The following LDB3 variants were observed in gnomAD, a reference collection of about 807,000 sequenced individuals.
The protein encoded by LDB3 is LIM domain binding 3, also known as LIM domain-binding protein 3.
Under a neutral mutation model 69.0 loss-of-function variants are expected in LDB3, and 49 were observed. The observed-to-expected ratio is 0.71, with a 90% CI of 0.56 to 0.90. The LOEUF is 0.90. Among genes scored for constraint, LDB3 ranks in the 40% least tolerant of loss-of-function variants. LDB3 has a pLI of 0.00. For synonymous variants in LDB3, 387 were observed against 396.2 expected, an observed-to-expected ratio of 0.98 and a Z score of 0.28; for missense variants, 928 against 974.1, an observed-to-expected ratio of 0.95 and a Z score of 0.63.
intron 9 of LDB3, 46 bp from the exon 10 acceptor site, chr10:86,716,281 T>A: frequency 3.7e-6 from 6 of 1,603,874 alleles, no homozygotes; most frequent in Non-Finnish European, 5.1e-6. Flanking sequence ...CTGGGAAGAA[T>A]GAATTCCTGA....
intron 5 of LDB3, among the ~76,000 whole-genome samples, chr10:86,683,505 C>T (rs1845277330): frequency 6.6e-6 from 1 of 152,216 alleles, no homozygotes; most frequent in Admixed American, 6.5e-5. Context: ...GGGGCCAGGC[C>T]CACCTCTGCT....
intron 7 of LDB3, among the ~76,000 whole-genome samples, chr10:86,694,426 G>A (rs1845913745): frequency 6.6e-6 from 1 of 152,178 alleles, no homozygotes; most frequent in Non-Finnish European, 1.5e-5. Flanking sequence ...TTCATGCTAG[G>A]GAAATCTGGG....
chr10:86,710,189 T>A, intron 9 of LDB3, 139 bp downstream of exon 9: 1 of 1,524,658 alleles, frequency 6.6e-7, no homozygotes, highest in Non-Finnish European at 8.8e-7. Flanking sequence ...CCGCCCTCCG[T>A]CCCCTAGCTG....
intron 9 of LDB3, 22 bp downstream of exon 9, chr10:86,710,072 G>C (rs1465830481): frequency 1.9e-6 from 3 of 1,610,808 alleles, no homozygotes; most frequent in Non-Finnish European, 1.7e-6. Context: ...AGCAGGAGGG[G>C]AGGCTGTCGA....
At chr10:86,722,781 C>A (rs1385688139) in intron 12 of LDB3, among the ~76,000 whole-genome samples, 1 of 145,586 alleles carries the variant, frequency 6.9e-6, no homozygotes, top group Non-Finnish European at 1.5e-5. Context: ...CTTGGCCAGG[C>A]TGGTCTTGAA....
At chr10:86,697,927 G>C (rs552822744) in intron 7 of LDB3, among the ~76,000 whole-genome samples, 35 of 152,258 alleles carry the variant, frequency 2.3e-4, no homozygotes, top group African/African-American at 7.7e-4. Flanking sequence ...GAGATCCCTA[G>C]TTCCCTTTAC....
chr10:86,690,168 T>A (rs553264679), intron 5 of LDB3, among the ~76,000 whole-genome samples: 328 of 152,272 alleles, frequency 2.2e-3, no homozygotes, highest in Non-Finnish European at 3.9e-3. Context: ...CAAAGCTCTG[T>A]AGAGAGGCTC....
At chr10:86,697,034 G>T (rs1198289993) in intron 7 of LDB3, among the ~76,000 whole-genome samples, 1 of 152,146 alleles carries the variant, frequency 6.6e-6, no homozygotes, top group Non-Finnish European at 1.5e-5. Flanking sequence ...GATTCAAGGG[G>T]TAGAGAGAGA....
Position 86,716,575 on chromosome 10 carries a change from G to A in LDB3, c.1480G>A (p.Asp494Asn), listed in dbSNP as rs773233738. 14 of 1,613,676 alleles carry A rather than the reference G, an allele frequency of 8.7e-6. No homozygotes were observed. The highest frequency in any genetic ancestry group is 1.2e-5 in the Non-Finnish European group (14 of 1,179,972). The change falls in exon 10 of 14, where the codon GAT (aspartate) becomes AAT (asparagine). Residue 494 changes from aspartate to asparagine, a missense_variant. By Grantham distance (23) the Asp-to-Asn change is conservative (BLOSUM62 1). Coordinates refer to ENST00000361373, the MANE Select transcript of LDB3 (RefSeq NM_007078.3). ...CAGCCGTCCACCCTGGGTGACAGAT[G>A]ATAGCTTCTCCCAGAAGTTTGCCCC... ...PASRPPWVTDDSFSQKFAPGK... is the reference protein window; with the variant it reads ...PASRPPWVTDNSFSQKFAPGK...
chr10:86,728,862 G>A (rs1374949571), intron 13 of LDB3, among the ~76,000 whole-genome samples: 7 of 151,778 alleles, frequency 4.6e-5, no homozygotes, highest in Non-Finnish European at 1.0e-4. Flanking sequence ...TTACAGGTGT[G>A]AGCCACCACA....
chr10:86,692,159 G>A (rs1845795705), intron 6 of LDB3, 94 bp downstream of exon 6: 1 of 1,416,568 alleles, frequency 7.1e-7, no homozygotes, highest in Non-Finnish European at 9.7e-7. Flanking sequence ...AGGGAGTCCT[G>A]CTACCTGCCC....
chr10:86,696,242 G>A (rs960694828), intron 7 of LDB3, among the ~76,000 whole-genome samples: 6 of 151,836 alleles, frequency 4.0e-5, no homozygotes, highest in South Asian at 2.1e-4. Context: ...CTTACACGCC[G>A]CACAGCATAG....
intron 5 of LDB3, among the ~76,000 whole-genome samples, chr10:86,683,136 G>A (rs1247427769): frequency 6.6e-6 from 1 of 152,114 alleles, no homozygotes; most frequent in Non-Finnish European, 1.5e-5. Context: ...AGGTCTTCCC[G>A]GTCCTTTTCA....
At chr10:86,668,131 G>T (rs1408358792), upstream of LDB3, among the ~76,000 whole-genome samples, 1 of 152,162 alleles carries the variant, frequency 6.6e-6, no homozygotes, top group African/African-American at 2.4e-5. Context: ...CACCTCCAGG[G>T]CCCCATACTG....
chr10:86,668,819 G>C (rs1207696140), intron 2 of LDB3, 35 bp downstream of exon 2: 1 of 1,501,050 alleles, frequency 6.7e-7, no homozygotes. Context: ...GCACCCGATG[G>C]GGCAGGCACG....
At chr10:86,708,966 G>C (rs932098636) in intron 8 of LDB3, among the ~76,000 whole-genome samples, 31 of 152,194 alleles carry the variant, frequency 2.0e-4, no homozygotes, top group Non-Finnish European at 3.8e-4. Flanking sequence ...GCCATGTGGG[G>C]GTGGCAGGCA....
Position 86,681,789 on chromosome 10 carries a change from C to G in LDB3, c.675C>G (p.Val225=), listed in dbSNP as rs749425278. The G allele has an allele frequency of 1.3e-6, 2 of 1,596,022 alleles. No homozygotes were observed. The highest frequency in any genetic ancestry group is 1.7e-6 in the Non-Finnish European group (2 of 1,171,600). ...QMSLRGKASG[V]GLPGGSLPIK... is the part of the protein sequence containing the mutation. ...GCCTCCGAGGGAAGGCCTCGGGTGTCGGACTCCCAGGAGGGTAGGTAACGG... is the reference window on the plus strand; with the variant it reads ...GCCTCCGAGGGAAGGCCTCGGGTGTGGGACTCCCAGGAGGGTAGGTAACGG... Residue 225 remains valine (V), a synonymous_variant, in exon 5 of 14, where the codon GTC becomes GTG. Transcript: ENST00000361373.
intron 5 of LDB3, among the ~76,000 whole-genome samples, chr10:86,691,035 C>T (rs1035271604): frequency 6.6e-5 from 10 of 152,224 alleles, no homozygotes; most frequent in African/African-American, 2.4e-4. Context: ...CTCTGGTCCC[C>T]CGGCCAGGGT....
intron 5 of LDB3, among the ~76,000 whole-genome samples, chr10:86,682,851 G>A (rs1845240713): frequency 6.6e-6 from 1 of 152,190 alleles, no homozygotes; most frequent in Admixed American, 6.5e-5. Context: ...CGGTCAGTCT[G>A]GCCCAAGCCC....
Sources: gnomAD v4.1 joint callset for allele counts (sites outside exome capture counted in the v4.1 genomes callset) on GRCh38, gnomAD v4.1.1 for gene constraint, MANE v1.5 for transcripts, NCBI Gene and HGNC (gene_info 2026-07-23, HGNC 2026-07-21) for gene names.